The following SDC3 variants were observed in gnomAD, a reference collection of about 807,000 sequenced individuals.
The protein encoded by SDC3 is syndecan 3.
A neutral mutation model predicts 24.4 loss-of-function variants in SDC3; 13 were observed. That is an observed-to-expected ratio of 0.53 (90% CI 0.35 to 0.85). The LOEUF (loss-of-function observed/expected upper bound fraction) is 0.85, where lower values mean the gene tolerates loss of function less well. SDC3 is among the 40% of genes least tolerant of loss of function. SDC3 has a pLI of 0.01. For missense variants in SDC3, 571 were observed against 584.5 expected (o/e 0.98, Z 0.24); for synonymous variants, 295 against 260.9 (o/e 1.13, Z -1.26).
At chr1:30,909,518 GCA>G (rs1242360030), upstream of SDC3, among the ~76,000 whole-genome samples, 1 of 152,160 alleles carries the variant, frequency 6.6e-6, no homozygotes, top group Non-Finnish European at 1.5e-5. Context: ...TCTCTGAGTG[GCA>G]GTCTCTAGCG....
chr1:30,875,961 C>T (rs535064628), intron 3 of SDC3, among the ~76,000 whole-genome samples: 9 of 152,298 alleles, frequency 5.9e-5, no homozygotes, highest in Admixed American at 2.0e-4. Flanking sequence ...CTCCACAAGG[C>T]GAGTGATGCC....
chr1:30,874,377 A>C lies in SDC3; in HGVS notation c.1082T>G (p.Leu361Arg). 1 of 1,613,988 alleles carries C rather than the reference A, an allele frequency of 6.2e-7. No individual in the cohort carries two copies. Among genetic ancestry groups the C allele is most frequent in the Non-Finnish European group, 8.5e-7 (1 of 1,179,972 alleles). Residue 361 changes from leucine (L) to arginine (R), a missense_variant, in exon 4 of 5, where the codon CTG (leucine) becomes CGG (arginine). This residue lies in a region of SDC3 where 74 missense variants were observed against 112.9 expected (regional missense o/e 0.66). Coordinates refer to ENST00000339394, the MANE Select transcript of SDC3 (RefSeq NM_014654.4). ...PKGARPGPGL[L>R]DNAIDSGSSA... is the part of the protein sequence containing the mutation. ...GCTGCCCGAGTCGATGGCATTGTCC[A>C]GGAGGCCAGGGCCCGGGCGGGCACC... is the stretch of plus-strand genomic sequence containing the variant.
chr1:30,893,922 G>A (rs1395928314), intron 1 of SDC3, among the ~76,000 whole-genome samples: 1 of 152,038 alleles, frequency 6.6e-6, no homozygotes, highest in Non-Finnish European at 1.5e-5. Context: ...GGGTGCGGGG[G>A]AGTGAGAAGT....
chr1:30,902,781 T>C (rs1638441349), intron 1 of SDC3, among the ~76,000 whole-genome samples: 1 of 152,212 alleles, frequency 6.6e-6, no homozygotes, highest in Non-Finnish European at 1.5e-5. Flanking sequence ...GCCCGCCCGA[T>C]GCAGCCCCCT....
chr1:30,909,141 T>G (rs1283139643), upstream of SDC3, among the ~76,000 whole-genome samples: 2 of 152,122 alleles, frequency 1.3e-5, no homozygotes, highest in African/African-American at 4.8e-5. Flanking sequence ...AGCCTCCCCC[T>G]GTGGCTCCAC....
intron 2 of SDC3, 56 bp downstream of exon 2, chr1:30,878,567 G>A (rs1639687887): frequency 2.8e-6 from 4 of 1,449,636 alleles, no homozygotes; most frequent in Admixed American, 1.7e-5. Flanking sequence ...TCAGAGTTGA[G>A]GCTGGATACA....
chr1:30,897,672 C>T (rs1045590741), intron 1 of SDC3, among the ~76,000 whole-genome samples: 2 of 152,182 alleles, frequency 1.3e-5, no homozygotes, highest in Non-Finnish European at 2.9e-5. Context: ...CAGCATGAAG[C>T]AGTGCTTATG....
At chr1:30,896,421 C>T (rs564181322) in intron 1 of SDC3, among the ~76,000 whole-genome samples, 3 of 152,000 alleles carry the variant, frequency 2.0e-5, no homozygotes, top group African/African-American at 7.2e-5. Context: ...AGAAGAGGCA[C>T]CTAGGAACCT....
At chr1:30,890,054 T>C (rs1292091777) in intron 1 of SDC3, among the ~76,000 whole-genome samples, 1 of 152,200 alleles carries the variant, frequency 6.6e-6, no homozygotes, top group Non-Finnish European at 1.5e-5. Flanking sequence ...CTCACACCTG[T>C]AATCCCAACA....
intron 1 of SDC3, among the ~76,000 whole-genome samples, chr1:30,906,770 G>A (rs1638526994): frequency 6.6e-6 from 1 of 152,174 alleles, no homozygotes; most frequent in Non-Finnish European, 1.5e-5. Context: ...TAGCAGGATT[G>A]GAACCCAGGG....
chr1:30,869,975 C>T lies in SDC3; in HGVS notation c.*3236G>A, dbSNP rs554007914. 38 of 398,292 alleles carry T rather than the reference C, an allele frequency of 9.5e-5. No individual in the cohort carries two copies. The South Asian group carries it at 4.0e-3, about 42-fold the overall frequency. 24.7% of individuals were successfully genotyped at this position (398,292 alleles called of 1,614,324 possible). A position where few individuals can be genotyped will look rare whatever the true frequency, so the allele number is the denominator to read the frequency against. On this transcript the variant is annotated 3_prime_UTR_variant, in exon 5 of 5. Coordinates refer to ENST00000339394, the MANE Select transcript of SDC3 (RefSeq NM_014654.4). ...CAGATGGCAACTCCCAGGGCCCAGT[C>T]TCGATGCCTCTGTAAATCTGTACAG...
At chr1:30,878,800 C>T (rs1639693123) in intron 1 of SDC3, 60 bp from the exon 2 acceptor site, 1 of 1,422,368 alleles carries the variant, frequency 7.0e-7, no homozygotes, top group Non-Finnish European at 9.9e-7. Flanking sequence ...CTGGGTGAGC[C>T]CAGAAGGGCG....
At chr1:30,906,454 C>T (rs80253649) in intron 1 of SDC3, among the ~76,000 whole-genome samples, 21,923 of 152,154 alleles carry the variant, frequency 0.14, 1,732 homozygotes, top group East Asian at 0.24. Flanking sequence ...GTGCATGAGG[C>T]TATTAAATGC....
intron 1 of SDC3, among the ~76,000 whole-genome samples, chr1:30,892,773 G>C (rs899310486): frequency 6.6e-6 from 1 of 152,140 alleles, no homozygotes; most frequent in Non-Finnish European, 1.5e-5. Context: ...TAGCACCATG[G>C]TCACCCTCCA....
chr1:30,888,874 G>A (rs1347583062), intron 1 of SDC3, among the ~76,000 whole-genome samples: 1 of 152,236 alleles, frequency 6.6e-6, no homozygotes, highest in African/African-American at 2.4e-5. Context: ...GAGGCACAGA[G>A]CAAGGCATCA....
At chr1:30,908,322 C>G (rs1187767820) in intron 1 of SDC3, 127 bp downstream of exon 1, 3 of 397,328 alleles carry the variant, frequency 7.6e-6, no homozygotes, top group African/African-American at 2.3e-5. Context: ...GGGACCGCGG[C>G]CCCGGGGGAA....
At chr1:30,884,602 A>C (rs1570006583) in intron 1 of SDC3, among the ~76,000 whole-genome samples, 1 of 150,032 alleles carries the variant, frequency 6.7e-6, no homozygotes, top group Non-Finnish European at 1.5e-5. Flanking sequence ...CCACATCCCC[A>C]CCCCAGCCCC....
At chr1:30,905,094 T>C (rs1245553177) in intron 1 of SDC3, among the ~76,000 whole-genome samples, 1 of 152,004 alleles carries the variant, frequency 6.6e-6, no homozygotes, top group East Asian at 1.9e-4. Context: ...GGGGAGATGG[T>C]TCACCCAAGA....
At chr1:30,891,744 T>C (rs1360270989) in intron 1 of SDC3, among the ~76,000 whole-genome samples, 1 of 150,776 alleles carries the variant, frequency 6.6e-6, no homozygotes, top group Admixed American at 6.6e-5. Flanking sequence ...TCCCAGCTAC[T>C]CAGAAGGCTG....
Sources: gnomAD v4.1 joint callset for allele counts (sites outside exome capture counted in the v4.1 genomes callset) on GRCh38, gnomAD v4.1.1 for gene constraint, gnomAD v4.1.1 regional missense constraint, MANE v1.5 for transcripts, NCBI Gene and HGNC (gene_info 2026-07-23, HGNC 2026-07-21) for gene names.